The following SWT1 variants were observed in gnomAD, a reference collection of about 807,000 sequenced individuals.
The protein encoded by SWT1 is SWT1 RNA endoribonuclease homolog, also known as transcriptional protein SWT1.
SWT1 carries 33 observed loss-of-function variants against 107.3 expected under a neutral mutation model. The ratio of observed to expected loss-of-function variants is 0.31; its 90% confidence interval spans 0.23 to 0.41. SWT1 has a LOEUF of 0.41. SWT1 is among the 10% of genes least tolerant of loss of function. The pLI is 1.00. For synonymous variants in SWT1, 345 were observed against 348.3 expected, an observed-to-expected ratio of 0.99 and a Z score of 0.11; for missense variants, 898 against 1,028.9, an observed-to-expected ratio of 0.87 and a Z score of 1.74.
chr1:185,185,365 T>C (rs55888604), intron 9 of SWT1, among the ~76,000 whole-genome samples: 7,402 of 152,268 alleles, frequency 0.049, 272 homozygotes, highest in Middle Eastern at 0.079. Context: ...TACAATAAAG[T>C]AGTGTATAGA....
chr1:185,229,915 G>C (rs1192321399), intron 15 of SWT1, among the ~76,000 whole-genome samples: 1 of 152,112 alleles, frequency 6.6e-6, no homozygotes, highest in East Asian at 1.9e-4. Context: ...TGGTTGCAGG[G>C]GTTTGGCGGG....
chr1:185,201,190 G>A (rs760349078), intron 10 of SWT1, among the ~76,000 whole-genome samples: 60 of 152,156 alleles, frequency 3.9e-4, no homozygotes, highest in Admixed American at 7.2e-4. Flanking sequence ...GCTAGGCTTC[G>A]TGAGGCTGAG....
At chr1:185,204,936 C>A in intron 12 of SWT1, 73 bp downstream of exon 12, 1 of 894,112 alleles carries the variant, frequency 1.1e-6, no homozygotes, top group Non-Finnish European at 1.6e-6. Context: ...AGAAATATTA[C>A]TTGTATAAAA....
intron 16 of SWT1, among the ~76,000 whole-genome samples, chr1:185,246,692 T>C (rs1661638354): frequency 6.7e-6 from 1 of 150,276 alleles, no homozygotes; most frequent in African/African-American, 2.5e-5. Context: ...TGCAGTTGTA[T>C]GATCATAGCT....
chr1:185,219,471 A>T (rs1167704901), intron 14 of SWT1, among the ~76,000 whole-genome samples: 1 of 152,188 alleles, frequency 6.6e-6, no homozygotes, highest in East Asian at 1.9e-4. Context: ...AATTTTATTT[A>T]AAAAAATTTT....
rs1054930531 is a variant in SWT1, at chr1:185,290,890, C to G, written c.*87C>G. 3 of 1,128,402 alleles carry G rather than the reference C, an allele frequency of 2.7e-6. No individual in the cohort carries two copies. In the African/African-American group the frequency reaches 4.8e-5, roughly 18 times the overall value. 69.9% of individuals were successfully genotyped at this position (1,128,402 alleles called of 1,614,324 possible). A position where few individuals can be genotyped will look rare whatever the true frequency, so the allele number is the denominator to read the frequency against. On this transcript the variant is annotated 3_prime_UTR_variant, in exon 19 of 19. Transcript: ENST00000367500. ...ATCTGGTCACTCTTTTGGGCCAAAC[C>G]CAAGAGAATTTTAAGAAATGTTTCA...
At chr1:185,221,187 T>C (rs541166851) in intron 14 of SWT1, among the ~76,000 whole-genome samples, 1 of 152,360 alleles carries the variant, frequency 6.6e-6, no homozygotes, top group Non-Finnish European at 1.5e-5. Flanking sequence ...TCCCTGGATC[T>C]AGTCTTTGGC....
At chr1:185,234,707 CG>C (rs1660739296) in intron 16 of SWT1, among the ~76,000 whole-genome samples, 1 of 152,062 alleles carries the variant, frequency 6.6e-6, no homozygotes, top group African/African-American at 2.4e-5. Context: ...TTCATAGTGT[CG>C]ATGGTCTTTA....
At chr1:185,231,031 G>C (rs1422997113) in intron 15 of SWT1, among the ~76,000 whole-genome samples, 3 of 152,204 alleles carry the variant, frequency 2.0e-5, no homozygotes, top group Non-Finnish European at 1.5e-5. Context: ...TGACATGGGT[G>C]AGCCGTCTCG....
At chr1:185,192,124 A>G (rs931808897) in intron 10 of SWT1, among the ~76,000 whole-genome samples, 23 of 152,228 alleles carry the variant, frequency 1.5e-4, no homozygotes, top group African/African-American at 4.1e-4. Flanking sequence ...ACACTTATAT[A>G]CTATGCATCA....
At position 185,274,221 on chromosome 1, in the gene SWT1, A is replaced by G. The variant is rs186482743; in HGVS notation, c.2509-2383A>G. 1.8e-3 allele frequency among the ~76,000 whole-genome samples: 269 copies of G among 149,544 alleles called. 1 individual carries two copies. The highest frequency in any genetic ancestry group is 6.3e-3 in the African/African-American group (256 of 40,740). ...TAAAAATTAAAAAATAAGAATATGT[A>G]GATCTAAGAATCATATGTTGTATAT... On this transcript the variant is annotated intron_variant, in intron 17 of 18. Coordinates refer to ENST00000367500, the MANE Select transcript of SWT1 (RefSeq NM_017673.7).
chr1:185,235,569 A>T (rs1427132296), intron 16 of SWT1, among the ~76,000 whole-genome samples: 1 of 152,226 alleles, frequency 6.6e-6, no homozygotes, highest in Non-Finnish European at 1.5e-5. Context: ...ATCTCAAAAT[A>T]ATAAGAGCTA....
chr1:185,255,233 G>A (rs1196987528), intron 16 of SWT1, among the ~76,000 whole-genome samples: 1 of 151,736 alleles, frequency 6.6e-6, no homozygotes, highest in African/African-American at 2.4e-5. Flanking sequence ...GTGTGGTGTG[G>A]TGCTGAAAAA....
chr1:185,177,157 CT>C, intron 5 of SWT1: 1 of 513,744 alleles, frequency 1.9e-6, no homozygotes, highest in Non-Finnish European at 2.5e-6. Context: ...TTTGTTTTCA[CT>C]GCTTTCTTAA....
chr1:185,279,178 T>G (rs1664451639), intron 18 of SWT1, among the ~76,000 whole-genome samples: 1 of 152,238 alleles, frequency 6.6e-6, no homozygotes, highest in African/African-American at 2.4e-5. Flanking sequence ...AATCCACATT[T>G]AAAATATTGT....
chr1:185,213,030 G>T (rs190529615), intron 13 of SWT1, among the ~76,000 whole-genome samples: 1 of 152,088 alleles, frequency 6.6e-6, no homozygotes, highest in Non-Finnish European at 1.5e-5. Flanking sequence ...AATAATTATT[G>T]GCCTTATATA....
At chr1:185,265,456 G>A (rs1250372579) in intron 16 of SWT1, among the ~76,000 whole-genome samples, 1 of 152,024 alleles carries the variant, frequency 6.6e-6, no homozygotes, top group Non-Finnish European at 1.5e-5. Context: ...TCCTCATTGT[G>A]GATTTGATAC....
chr1:185,198,581 T>A (rs146463744), intron 10 of SWT1, among the ~76,000 whole-genome samples: 21 of 152,262 alleles, frequency 1.4e-4, no homozygotes, highest in Non-Finnish European at 2.9e-4. Context: ...TCTTTGTAGG[T>A]CTCTAAGAAC....
intron 5 of SWT1, among the ~76,000 whole-genome samples, chr1:185,177,391 G>A (rs1655658743): frequency 6.6e-6 from 1 of 152,190 alleles, no homozygotes; most frequent in Non-Finnish European, 1.5e-5. Flanking sequence ...ACCAAAAGAG[G>A]TACATAGCAA....
Sources: gnomAD v4.1 joint callset for allele counts (sites outside exome capture counted in the v4.1 genomes callset) on GRCh38, gnomAD v4.1.1 for gene constraint, MANE v1.5 for transcripts, NCBI Gene and HGNC (gene_info 2026-07-23, HGNC 2026-07-21) for gene names.